Variants in MTRF1 observed in about 807,000 individuals in gnomAD.
MTRF1 encodes peptide chain release factor 1, mitochondrial.
MTRF1 carries 51 observed loss-of-function variants against 62.9 expected under a neutral mutation model. The ratio of observed to expected loss-of-function variants is 0.81; its 90% CI spans 0.65 to 1.02. MTRF1 has a LOEUF of 1.02. MTRF1 is among the 50% of genes least tolerant of loss of function. MTRF1 has a pLI of 0.00. For synonymous variants in MTRF1, 158 were observed against 181.9 expected (o/e 0.87, Z 1.06); for missense variants, 446 against 530.0 (o/e 0.84, Z 1.56).
the MTRF1 span, among the ~76,000 whole-genome samples, chr13:41,295,999 G>A: frequency 1.9e-4 from 29 of 151,982 alleles, no homozygotes; most frequent in Non-Finnish European, 3.7e-4. Context: ...TGCCCAAACT[G>A]GAGTCAAGTG....
chr13:41,273,376 GT>G, the MTRF1 span, among the ~76,000 whole-genome samples: 1 of 151,990 alleles, frequency 6.6e-6, no homozygotes, highest in East Asian at 1.9e-4. Flanking sequence ...GCCCTCCATG[GT>G]TACCAAAATG....
the MTRF1 span, chr13:41,311,555 G>A: frequency 9.3e-6 from 15 of 1,608,702 alleles, no homozygotes; most frequent in Middle Eastern, 1.7e-4. Flanking sequence ...TGCCGCCCAA[G>A]GAGAGCAACC....
At chr13:41,306,988 A>G in the MTRF1 span, among the ~76,000 whole-genome samples, 5 of 152,214 alleles carry the variant, frequency 3.3e-5, no homozygotes, top group Non-Finnish European at 7.3e-5. Context: ...TCTGTTCCAG[A>G]CTAAACAGGA....
At chr13:41,277,806 C>T in the MTRF1 span, among the ~76,000 whole-genome samples, 11 of 152,318 alleles carry the variant, frequency 7.2e-5, no homozygotes, top group South Asian at 4.1e-4. Flanking sequence ...TCTAATCCTA[C>T]CTTGGTCTTT....
intron 6 of MTRF1, among the ~76,000 whole-genome samples, chr13:41,239,739 G>T (rs1448093437): frequency 1.3e-5 from 2 of 151,432 alleles, no homozygotes; most frequent in Non-Finnish European, 2.9e-5. Flanking sequence ...ACTTTTTTTT[G>T]AAAATAAGTG....
At chr13:41,217,661 C>G (rs1005906719) in intron 9 of MTRF1, among the ~76,000 whole-genome samples, 1 of 152,210 alleles carries the variant, frequency 6.6e-6, no homozygotes, top group Non-Finnish European at 1.5e-5. Context: ...AAAATTCTAC[C>G]CTTTTCACTC....
the MTRF1 span, among the ~76,000 whole-genome samples, chr13:41,271,940 T>A: frequency 6.6e-6 from 1 of 152,096 alleles, no homozygotes; most frequent in African/African-American, 2.4e-5. Flanking sequence ...AGAATCAGGA[T>A]CCTTAAACAA....
the MTRF1 span, among the ~76,000 whole-genome samples, chr13:41,272,001 A>C: frequency 2.0e-5 from 3 of 152,192 alleles, no homozygotes; most frequent in Non-Finnish European, 2.9e-5. Flanking sequence ...CACTTCCTGT[A>C]AACTGTGCTC....
rs138032757 is a variant in MTRF1, at chr13:41,254,677, C to G, written c.416-57G>C. The G allele has an allele frequency of 4.7e-3, 6,166 of 1,303,062 alleles. 33 individuals carry two copies. Among genetic ancestry groups the G allele is most frequent in the South Asian group, 7.2e-3 (576 of 80,020 alleles). The allele number at this position is 1,303,062 out of a possible 1,614,324, so 80.7% of individuals were successfully genotyped here. ...TTTTTAAATACTTACAGAGAAACTC[C>G]TAAGTAGCCATGTTCCTCTTTGGCT... is the stretch of plus-strand genomic sequence containing the variant. On this transcript the variant is annotated intron_variant, in intron 2 of 9. Transcript: ENST00000379480.
At chr13:41,246,951 C>A (rs1388458908) in intron 5 of MTRF1, among the ~76,000 whole-genome samples, 7 of 152,316 alleles carry the variant, frequency 4.6e-5, no homozygotes, top group Admixed American at 1.3e-4. Flanking sequence ...CTTTGGTTTC[C>A]TTATGTGTAA....
intron 2 of MTRF1, among the ~76,000 whole-genome samples, chr13:41,256,411 C>G (rs2039728447): frequency 1.3e-5 from 2 of 151,746 alleles, no homozygotes; most frequent in African/African-American, 4.8e-5. Context: ...ATTGCAACCT[C>G]CGCCTCCTGG....
the MTRF1 span, chr13:41,311,538 G>C: frequency 3.7e-6 from 6 of 1,605,888 alleles, no homozygotes; most frequent in Middle Eastern, 1.7e-4. Flanking sequence ...GATGCCGAAC[G>C]TGCTGCTGCC....
intron 6 of MTRF1, among the ~76,000 whole-genome samples, chr13:41,239,576 T>C (rs781446075): frequency 1.8e-4 from 28 of 151,858 alleles, no homozygotes; most frequent in Non-Finnish European, 3.2e-4. Flanking sequence ...AAAAAAAGGT[T>C]AGGGAAAAGA....
At chr13:41,256,946 A>G (rs1336312402) in intron 2 of MTRF1, among the ~76,000 whole-genome samples, 1 of 152,198 alleles carries the variant, frequency 6.6e-6, no homozygotes, top group Non-Finnish European at 1.5e-5. Context: ...GCTGAGGTTA[A>G]GACAGTTACA....
At chr13:41,284,925 T>C in the MTRF1 span, among the ~76,000 whole-genome samples, 2 of 152,150 alleles carry the variant, frequency 1.3e-5, no homozygotes, top group Non-Finnish European at 2.9e-5. Flanking sequence ...AGTGCTAGGA[T>C]TACAGGCATG....
the MTRF1 span, among the ~76,000 whole-genome samples, chr13:41,305,115 T>C: frequency 1.3e-5 from 2 of 152,234 alleles, no homozygotes; most frequent in Non-Finnish European, 2.9e-5. Flanking sequence ...TTAATGCAGT[T>C]GTGTGATAAT....
the MTRF1 span, among the ~76,000 whole-genome samples, chr13:41,303,865 T>C: frequency 2.0e-5 from 3 of 152,328 alleles, no homozygotes; most frequent in African/African-American, 7.2e-5. Flanking sequence ...GAAAACTAAT[T>C]GTTTAAATCA....
chr13:41,259,032 A>G (rs763821177), intron 2 of MTRF1, among the ~76,000 whole-genome samples: 1 of 152,224 alleles, frequency 6.6e-6, no homozygotes, highest in Non-Finnish European at 1.5e-5. Flanking sequence ...CAACATCATT[A>G]ATCTTCAGGA....
At chr13:41,288,756 G>A in the MTRF1 span, among the ~76,000 whole-genome samples, 1 of 152,034 alleles carries the variant, frequency 6.6e-6, no homozygotes, top group Non-Finnish European at 1.5e-5. Context: ...TTAGACTATG[G>A]AAATGATGTT....
Sources: gnomAD v4.1 joint callset for allele counts (sites outside exome capture counted in the v4.1 genomes callset) on GRCh38, gnomAD v4.1.1 for gene constraint, MANE v1.5 for transcripts, NCBI Gene and HGNC (gene_info 2026-07-23, HGNC 2026-07-21) for gene names.